Variants in TIMM23B observed in about 807,000 individuals in gnomAD.
TIMM23B encodes translocase of inner mitochondrial membrane 23 homolog B.
TIMM23B carries 27 observed loss-of-function variants against 27.3 expected under a neutral mutation model. The observed-to-expected ratio is 0.99, with a 90% CI of 0.73 to 1.36. The LOEUF (loss-of-function observed/expected upper bound fraction) is 1.36. TIMM23B is among the 40% of genes most tolerant of loss of function. The pLI, the probability that TIMM23B is intolerant of heterozygous loss-of-function variation, is 0.00. For synonymous variants in TIMM23B, 73 were observed against 92.4 expected (o/e 0.79, Z 1.21); for missense variants, 205 against 244.2 (o/e 0.84, Z 1.07).
At chr10:49,947,470 G>A (rs1427887503) in intron 2 of TIMM23B, among the ~76,000 whole-genome samples, 4 of 151,820 alleles carry the variant, frequency 2.6e-5, no homozygotes, top group East Asian at 1.9e-4. Flanking sequence ...TTAGCCAGGC[G>A]TGGTGCTGGG....
At chr10:49,965,925 A>G (rs1418862771) in intron 6 of TIMM23B, among the ~76,000 whole-genome samples, 2 of 147,862 alleles carry the variant, frequency 1.4e-5, no homozygotes, top group African/African-American at 5.0e-5. Flanking sequence ...TTCATCTGGA[A>G]ATGAAACGAA....
chr10:49,946,996 G>A (rs1839373120), intron 2 of TIMM23B, among the ~76,000 whole-genome samples: 1 of 152,142 alleles, frequency 6.6e-6, no homozygotes, highest in Non-Finnish European at 1.5e-5. Flanking sequence ...TACAATATAC[G>A]CAGTCACTTG....
intron 6 of TIMM23B, chr10:49,972,727 G>A: frequency 4.7e-6 from 2 of 426,652 alleles, no homozygotes; most frequent in Non-Finnish European, 8.4e-6. Context: ...TAAAGCATGT[G>A]TTACATAGAA....
intron 2 of TIMM23B, 54 bp downstream of exon 2, chr10:49,945,144 C>T (rs1276951776): frequency 9.5e-5 from 150 of 1,586,278 alleles, no homozygotes; most frequent in Non-Finnish European, 1.2e-4. Context: ...TTTAAAAAAA[C>T]GCCAAGTGCT....
At chr10:49,949,068 T>C (rs1476128295) in intron 2 of TIMM23B, among the ~76,000 whole-genome samples, 1 of 152,044 alleles carries the variant, frequency 6.6e-6, no homozygotes, top group Admixed American at 6.5e-5. Context: ...TTTTTTTTTT[T>C]ACATTCTTTG....
rs1470609363 is a variant in TIMM23B at position 49,952,169 on chromosome 10, G to C, written c.209G>C (p.Trp70Ser). Residue 70 changes from tryptophan (W) to serine (S), a missense_variant, in exon 3 of 7, where the codon TGG becomes TCG. By Grantham distance (177) the Trp-to-Ser change is radical. Coordinates refer to ENST00000651259, the MANE Select transcript of TIMM23B (RefSeq NM_001290117.2). ...FILPTGANKT[W>S]GRFELAFFTI... ...TTACCTACCGGAGCTAATAAAACCT[G>C]GGGCAGATTTGAGCTGGCCTTCTTT... The C allele has an allele frequency of 2.6e-5, 42 of 1,605,314 alleles. No homozygotes were observed. The East Asian group carries it at 5.6e-4, about 21-fold the overall frequency.
chr10:49,942,965 G>A (rs1839200230), intron 1 of TIMM23B, among the ~76,000 whole-genome samples: 1 of 152,128 alleles, frequency 6.6e-6, no homozygotes, highest in African/African-American at 2.4e-5. Flanking sequence ...TTGTAACTGT[G>A]GTTGTTCAAC....
At chr10:49,942,483 G>A (rs1839155598) in intron 1 of TIMM23B, among the ~76,000 whole-genome samples, 183 bp downstream of exon 1, 1 of 152,082 alleles carries the variant, frequency 6.6e-6, no homozygotes, top group Non-Finnish European at 1.5e-5. Context: ...GCCTAAAAAA[G>A]GGCCACGGAT....
intron 2 of TIMM23B, among the ~76,000 whole-genome samples, chr10:49,951,813 C>G: frequency 6.6e-6 from 1 of 152,286 alleles, no homozygotes; most frequent in South Asian, 2.1e-4. Context: ...CTGTTCTGTT[C>G]TTCTCATAGC....
In TIMM23B at chr10:49,964,160, G is replaced by C. The variant is rs565042885; in HGVS notation, c.514+5680G>C. Among the ~76,000 whole-genome samples the C allele has an allele frequency of 1.3e-3, 194 of 152,170 alleles. 1 individual carries two copies. Among genetic ancestry groups the C allele is most frequent in the African/African-American group, 4.4e-3 (183 of 41,516 alleles). ...CAGGTGTGGTGGCGCACTCCAGCCT[G>C]GGTGATAGAGCGAGTCTCCATCTTG... On this transcript the variant is annotated intron_variant, in intron 6 of 6. Transcript: ENST00000651259.
chr10:49,972,074 C>T (rs1840475390), intron 6 of TIMM23B, among the ~76,000 whole-genome samples: 1 of 152,152 alleles, frequency 6.6e-6, no homozygotes, highest in Non-Finnish European at 1.5e-5. Flanking sequence ...CGATGTGAAA[C>T]ACTGCAATTT....
chr10:49,960,133 G>C (rs1285778743), intron 6 of TIMM23B, among the ~76,000 whole-genome samples: 6 of 143,480 alleles, frequency 4.2e-5, no homozygotes, highest in African/African-American at 1.6e-4. Context: ...CTGTAGCCTT[G>C]ACCTCCTGGG....
intron 6 of TIMM23B, among the ~76,000 whole-genome samples, chr10:49,965,668 CAAATG>C (rs1340200836): frequency 6.5e-4 from 82 of 126,712 alleles, no homozygotes; most frequent in Non-Finnish European, 1.1e-3. Context: ...TGAAATGAAA[CAAATG>C]AAATGAAATG....
chr10:49,959,982 C>T (rs1224828118), intron 6 of TIMM23B, among the ~76,000 whole-genome samples: 23 of 151,650 alleles, frequency 1.5e-4, no homozygotes, highest in African/African-American at 5.3e-4. Flanking sequence ...CTCCTGACCT[C>T]AGGTGATCCA....
intron 4 of TIMM23B, among the ~76,000 whole-genome samples, chr10:49,953,272 C>T (rs1446426442): frequency 6.6e-6 from 1 of 152,162 alleles, no homozygotes; most frequent in African/African-American, 2.4e-5. Flanking sequence ...TCCTATCTTC[C>T]TTTCATATTG....
intron 2 of TIMM23B, among the ~76,000 whole-genome samples, chr10:49,945,844 A>G (rs1423507569): frequency 3.6e-4 from 55 of 152,124 alleles, no homozygotes; most frequent in Admixed American, 1.3e-3. Context: ...GCTTATCTCA[A>G]TAGATTCACA....
chr10:49,955,165 C>T, intron 5 of TIMM23B, 105 bp downstream of exon 5: 5 of 1,169,648 alleles, frequency 4.3e-6, no homozygotes, highest in Non-Finnish European at 6.3e-6. Context: ...GGATATGAGA[C>T]AATTATGTTT....
At chr10:49,950,536 G>T (rs1295352387) in intron 2 of TIMM23B, among the ~76,000 whole-genome samples, 19 of 137,052 alleles carry the variant, frequency 1.4e-4, no homozygotes, top group South Asian at 4.7e-4. Flanking sequence ...TTTTTTTTAA[G>T]TTTTCTTTTC....
intron 6 of TIMM23B, among the ~76,000 whole-genome samples, chr10:49,968,424 A>G (rs1347154850): frequency 6.6e-6 from 1 of 152,262 alleles, no homozygotes; most frequent in Non-Finnish European, 1.5e-5. Context: ...TGAATTACTG[A>G]AAAACAGAAT....
Sources: allele counts gnomAD v4.1 joint callset (sites outside exome capture counted in the v4.1 genomes callset), GRCh38; gene constraint gnomAD v4.1.1; transcripts MANE v1.5; gene names NCBI Gene and HGNC (gene_info 2026-07-23, HGNC 2026-07-21).